RABGAP1L: variants seen among roughly 807,000 people sequenced by gnomAD.
The protein encoded by RABGAP1L is RAB GTPase activating protein 1 like.
RABGAP1L carries 63 observed loss-of-function variants against 137.7 expected under a neutral mutation model. That is an observed-to-expected ratio of 0.46 (90% CI 0.37 to 0.56). The LOEUF is 0.56. RABGAP1L is among the 20% of genes least tolerant of loss of function. The pLI, the probability that RABGAP1L is intolerant of heterozygous loss-of-function variation, is 0.00. For synonymous variants in RABGAP1L, 431 were observed against 433.7 expected (o/e 0.99, Z 0.08); for missense variants, 1,095 against 1,244.0 (o/e 0.88, Z 1.80).
In RABGAP1L at chr1:174,542,042, G is replaced by T. The variant is rs926028090; in HGVS notation, c.1711-95333G>T. On this transcript the variant is annotated intron_variant, in intron 13 of 25. Transcript: ENST00000681986. Reference sequence around the variant, plus strand: ...GCATCAATGTTCATCAGGGATATTGGTCTAAAATTCTCTTTTTTTGTTGTG... The same window carrying T: ...GCATCAATGTTCATCAGGGATATTGTTCTAAAATTCTCTTTTTTTGTTGTG... 3.8e-4 allele frequency among the ~76,000 whole-genome samples: 58 copies of T among 152,286 alleles called. 1 individual carries two copies. Among genetic ancestry groups the T allele is most frequent in the Admixed American group, 3.9e-4 (6 of 15,302 alleles).
chr1:174,809,782 G>A (rs540868089), intron 18 of RABGAP1L, among the ~76,000 whole-genome samples: 28 of 152,338 alleles, frequency 1.8e-4, no homozygotes, highest in Non-Finnish European at 3.8e-4. Context: ...GAAGCCTAGG[G>A]ATGTGTGGTA....
intron 18 of RABGAP1L, chr1:174,800,561 C>T: frequency 2.6e-6 from 4 of 1,516,856 alleles, no homozygotes; most frequent in South Asian, 1.3e-5. Context: ...GTGAAAATTC[C>T]TTGTATCTCT....
intron 19 of RABGAP1L, among the ~76,000 whole-genome samples, chr1:174,952,128 C>G (rs543547691): frequency 6.6e-6 from 1 of 151,786 alleles, no homozygotes; most frequent in Admixed American, 6.6e-5. Context: ...TTAAGATCTG[C>G]GGTGTTGAAA....
intron 13 of RABGAP1L, among the ~76,000 whole-genome samples, chr1:174,580,729 A>G (rs1668682233): frequency 6.6e-6 from 1 of 152,236 alleles, no homozygotes; most frequent in Non-Finnish European, 1.5e-5. Flanking sequence ...ATGTATACAT[A>G]TGTAACTAAC....
intron 19 of RABGAP1L, among the ~76,000 whole-genome samples, chr1:174,955,547 A>T (rs368960680): frequency 6.6e-6 from 1 of 152,170 alleles, no homozygotes; most frequent in Non-Finnish European, 1.5e-5. Context: ...TTCATGCTAG[A>T]TGCTTTCCAT....
intron 13 of RABGAP1L, among the ~76,000 whole-genome samples, chr1:174,507,180 G>T (rs1661900992): frequency 6.6e-6 from 1 of 152,324 alleles, no homozygotes; most frequent in South Asian, 2.1e-4. Flanking sequence ...AGAGTCTGAA[G>T]TGCAGAGGAA....
At chr1:174,797,734 G>GGTGTGT (rs922712228) in intron 18 of RABGAP1L, among the ~76,000 whole-genome samples, 2 of 149,684 alleles carry the variant, frequency 1.3e-5, no homozygotes, top group African/African-American at 4.9e-5. Flanking sequence ...TGTGGGTGTG[G>GGTGTGT]GTGTGTGTGT....
At chr1:174,804,597 A>C (rs1479115076) in intron 18 of RABGAP1L, among the ~76,000 whole-genome samples, 2 of 152,044 alleles carry the variant, frequency 1.3e-5, no homozygotes, top group East Asian at 3.9e-4. Flanking sequence ...ACAGGTGTGA[A>C]CCACCGTGCC....
At chr1:174,171,916 G>A (rs1441251859) in intron 1 of RABGAP1L, among the ~76,000 whole-genome samples, 1 of 152,016 alleles carries the variant, frequency 6.6e-6, no homozygotes, top group African/African-American at 2.4e-5. Flanking sequence ...CAGCAGAATC[G>A]TTTTAACCCG....
intron 13 of RABGAP1L, among the ~76,000 whole-genome samples, chr1:174,633,028 G>A (rs1291697709): frequency 1.3e-5 from 2 of 152,080 alleles, no homozygotes; most frequent in African/African-American, 4.8e-5. Context: ...GGAAGTTCTG[G>A]CCAGGGCAGT....
intron 18 of RABGAP1L, among the ~76,000 whole-genome samples, chr1:174,787,721 A>C (rs1301153822): frequency 6.6e-6 from 1 of 152,156 alleles, no homozygotes; most frequent in African/African-American, 2.4e-5. Flanking sequence ...TAGGAAGATA[A>C]TTTGGAGGCG....
chr1:174,358,596 C>T (rs775989207), intron 11 of RABGAP1L, among the ~76,000 whole-genome samples: 4 of 152,182 alleles, frequency 2.6e-5, no homozygotes, highest in Non-Finnish European at 5.9e-5. Context: ...CTTCTTCACC[C>T]AGGATGGCCT....
rs553033886 is a variant in RABGAP1L at position 174,733,038 on chromosome 1, G to A, written c.2170-19275G>A. On this transcript the variant is annotated intron_variant, in intron 17 of 25. Coordinates refer to ENST00000681986, the MANE Select transcript of RABGAP1L (RefSeq NM_001366446.1). ...CTGAGGTATCTATAAGGAAATCGAG[G>A]TAGAGAGAGTTAAAATAACTCTAAG... Among the ~76,000 whole-genome samples, 3 of 152,094 alleles carry A rather than the reference G, an allele frequency of 2.0e-5. 1 individual carries two copies. The South Asian group carries it at 6.2e-4, about 32-fold the overall frequency.
Position 174,199,186 on chromosome 1 carries a change from A to G in RABGAP1L, c.-33-19939A>G, listed in dbSNP as rs1354519140. Reference sequence around the variant, plus strand: ...CAATATAAACACTTAAAGTTATGGGATATGAAAATTATGGACATATCAGAC... The same window carrying G: ...CAATATAAACACTTAAAGTTATGGGGTATGAAAATTATGGACATATCAGAC... On this transcript the variant is annotated intron_variant, in intron 1 of 25. Coordinates refer to ENST00000681986, the MANE Select transcript of RABGAP1L (RefSeq NM_001366446.1). 5.3e-5 allele frequency among the ~76,000 whole-genome samples: 8 copies of G among 152,202 alleles called. 1 individual carries two copies. The highest frequency in any genetic ancestry group is 5.2e-4 in the Admixed American group (8 of 15,288).
intron 15 of RABGAP1L, among the ~76,000 whole-genome samples, chr1:174,688,598 A>G (rs753339899): frequency 6.6e-6 from 1 of 152,156 alleles, no homozygotes; most frequent in Non-Finnish European, 1.5e-5. Flanking sequence ...ATCAAAATAC[A>G]TGTATTACTT....
intron 17 of RABGAP1L, among the ~76,000 whole-genome samples, chr1:174,717,365 C>T (rs1411502154): frequency 4.6e-5 from 7 of 152,084 alleles, no homozygotes; most frequent in Non-Finnish European, 1.0e-4. Flanking sequence ...GCTATGATAG[C>T]GCCACTGTAC....
chr1:174,386,195 C>T (rs935951350), intron 12 of RABGAP1L, among the ~76,000 whole-genome samples: 1 of 152,140 alleles, frequency 6.6e-6, no homozygotes, highest in Non-Finnish European at 1.5e-5. Context: ...AGTGTACTTA[C>T]TATGTGCCAG....
At chr1:174,247,788 C>T (rs981917322) in intron 5 of RABGAP1L, among the ~76,000 whole-genome samples, 3 of 152,202 alleles carry the variant, frequency 2.0e-5, no homozygotes, top group African/African-American at 7.2e-5. Flanking sequence ...TCAGACATCA[C>T]GTCCTCCAGC....
intron 11 of RABGAP1L, among the ~76,000 whole-genome samples, chr1:174,310,108 G>C (rs916946116): frequency 2.6e-5 from 4 of 152,018 alleles, no homozygotes; most frequent in Non-Finnish European, 5.9e-5. Context: ...TATGTGTCAA[G>C]GAATTATTCA....
Sources: allele counts gnomAD v4.1 joint callset (sites outside exome capture counted in the v4.1 genomes callset), GRCh38; gene constraint gnomAD v4.1.1; transcripts MANE v1.5; gene names NCBI Gene and HGNC (gene_info 2026-07-23, HGNC 2026-07-21).